The following SGCD variants were observed in gnomAD, a reference collection of about 807,000 sequenced individuals.
SGCD encodes the protein delta-sarcoglycan.
In SGCD, 18 loss-of-function variants were observed where a neutral mutation model predicts 36.6. That is an observed-to-expected ratio of 0.49 (90% confidence interval 0.34 to 0.73). SGCD has a LOEUF of 0.73. SGCD is among the 30% of genes least tolerant of loss of function. SGCD has a pLI of 0.01. For synonymous variants in SGCD, 133 were observed against 130.6 expected, an observed-to-expected ratio of 1.02 and a Z score of -0.12; for missense variants, 387 against 346.7, an observed-to-expected ratio of 1.12 and a Z score of -0.92.
chr5:156,076,225 G>A (rs540110155), intron 1 of SGCD, among the ~76,000 whole-genome samples: 3 of 151,992 alleles, frequency 2.0e-5, no homozygotes, highest in South Asian at 4.2e-4. Flanking sequence ...TTTGTATGTT[G>A]TCTTCCTTCT....
Position 156,650,614 on chromosome 5 carries a change from AC to A in SGCD, c.575+3079del, listed in dbSNP as rs1190104571. ...TATTTGGTTTTCTGTTCCTGTGTTA[AC>A]TTAAGATAATGGCCTTCAGTTATAT... is the stretch of plus-strand genomic sequence containing the variant. On this transcript the variant is annotated intron_variant, in intron 7 of 8. Transcript: ENST00000337851. 3.2e-3 allele frequency among the ~76,000 whole-genome samples: 438 copies of A among 137,148 alleles called. 5 individuals are homozygous for A. Among genetic ancestry groups the A allele is most frequent in the African/African-American group, 0.014 (419 of 29,828 alleles). The allele number at this position is 137,148 out of a possible 152,430, so 90.0% of individuals were successfully genotyped here.
At chr5:155,910,114 G>T (rs760277345) in intron 1 of SGCD, among the ~76,000 whole-genome samples, 1 of 152,020 alleles carries the variant, frequency 6.6e-6, no homozygotes, top group Non-Finnish European at 1.5e-5. Context: ...GTACAGAGGT[G>T]CATAGTTGGG....
At chr5:156,597,219 A>C (rs1760962172) in intron 6 of SGCD, among the ~76,000 whole-genome samples, 1 of 152,208 alleles carries the variant, frequency 6.6e-6, no homozygotes, top group African/African-American at 2.4e-5. Flanking sequence ...AAAATTTCAT[A>C]CATAGTCCCA....
At chr5:156,166,567 G>T (rs924586624) in intron 3 of SGCD, among the ~76,000 whole-genome samples, 10 of 152,116 alleles carry the variant, frequency 6.6e-5, no homozygotes, top group African/African-American at 4.8e-5. Flanking sequence ...TGATCCGCCC[G>T]CCTCGGCCTC....
intron 1 of SGCD, among the ~76,000 whole-genome samples, chr5:156,090,935 C>T (rs188544666): frequency 2.3e-3 from 354 of 152,240 alleles, no homozygotes; most frequent in Non-Finnish European, 3.8e-3. Context: ...GGCAGTCAGA[C>T]CTTATGGTTA....
intron 4 of SGCD, among the ~76,000 whole-genome samples, chr5:156,580,836 G>A (rs2113335047): frequency 6.6e-6 from 1 of 152,184 alleles, no homozygotes; most frequent in South Asian, 2.1e-4. Flanking sequence ...TCCTTGTGAT[G>A]GGTTCGAACA....
chr5:156,193,151 C>T (rs1763933957), intron 3 of SGCD, among the ~76,000 whole-genome samples: 1 of 152,100 alleles, frequency 6.6e-6, no homozygotes, highest in Non-Finnish European at 1.5e-5. Flanking sequence ...TGGTTTTCTT[C>T]ATGTAGTCAA....
At chr5:156,105,560 A>C (rs748009852) in intron 1 of SGCD, among the ~76,000 whole-genome samples, 1 of 152,234 alleles carries the variant, frequency 6.6e-6, no homozygotes, top group Non-Finnish European at 1.5e-5. Flanking sequence ...GGTTTTCCTC[A>C]CCAAATGAGC....
intron 1 of SGCD, among the ~76,000 whole-genome samples, chr5:155,986,771 G>A (rs866263851): frequency 6.6e-6 from 1 of 152,128 alleles, no homozygotes; most frequent in Non-Finnish European, 1.5e-5. Flanking sequence ...GTTATGCGGT[G>A]ATCATTGATG....
intron 7 of SGCD, among the ~76,000 whole-genome samples, chr5:156,757,170 G>C (rs1018161069): frequency 1.4e-5 from 2 of 139,426 alleles, no homozygotes; most frequent in Non-Finnish European, 3.0e-5. Flanking sequence ...ATCTGATTCT[G>C]CCTCCATGGA....
Position 156,229,277 on chromosome 5 carries a change from C to CATATATATATATATATAT in SGCD, c.-43-100251_-43-100234dup, listed in dbSNP as rs570200528. 2.1e-3 allele frequency among the ~76,000 whole-genome samples: 117 copies of CATATATATATATATATAT among 56,234 alleles called. 1 individual carries two copies. The highest frequency in any genetic ancestry group is 3.0e-3 in the Non-Finnish European group (91 of 30,238). The allele number at this position is 56,234 out of a possible 152,430, so 36.9% of individuals were successfully genotyped here. On this transcript the variant is annotated intron_variant, in intron 3 of 9. Coordinates refer to the SGCD transcript ENST00000517913. ...ACATACATACATATATATATACATACATATATATATATATATATATATAAA... is the reference window on the plus strand; with the variant it reads ...ACATACATACATATATATATACATACATATATATATATATATATATATATATATATATATATATATAAA...
chr5:156,245,032 TCA>T (rs963989832), intron 3 of SGCD, among the ~76,000 whole-genome samples: 43 of 152,354 alleles, frequency 2.8e-4, no homozygotes, highest in African/African-American at 9.1e-4. Context: ...GCAGATACTC[TCA>T]CACATGTGTT....
chr5:156,159,185 A>G (rs542205594), intron 3 of SGCD, among the ~76,000 whole-genome samples: 2 of 151,778 alleles, frequency 1.3e-5, no homozygotes, highest in African/African-American at 4.9e-5. Context: ...ATAACCAAAG[A>G]GCCTTAAAAA....
intron 1 of SGCD, among the ~76,000 whole-genome samples, chr5:155,962,346 TA>T (rs1757809190): frequency 6.6e-6 from 1 of 152,070 alleles, no homozygotes; most frequent in Non-Finnish European, 1.5e-5. Flanking sequence ...CCCCTATCTT[TA>T]TTACTAGTCA....
intron 3 of SGCD, among the ~76,000 whole-genome samples, chr5:156,346,807 A>AT (rs1461994298): frequency 3.4e-5 from 5 of 147,052 alleles, no homozygotes; most frequent in South Asian, 4.4e-4. Context: ...TTATTTTTTT[A>AT]TTTTTTGTGA....
intron 3 of SGCD, among the ~76,000 whole-genome samples, chr5:156,205,679 T>C (rs1185692695): frequency 6.6e-6 from 1 of 152,090 alleles, no homozygotes; most frequent in Non-Finnish European, 1.5e-5. Context: ...TCCATAAAGG[T>C]ACAGGATAGT....
At chr5:156,200,998 G>T (rs1179679511) in intron 3 of SGCD, among the ~76,000 whole-genome samples, 1 of 152,032 alleles carries the variant, frequency 6.6e-6, no homozygotes, top group Non-Finnish European at 1.5e-5. Flanking sequence ...ATCACAAAAG[G>T]ACAAAAAAGT....
At chr5:155,776,573 C>A in the SGCD span, among the ~76,000 whole-genome samples, 1 of 152,014 alleles carries the variant, frequency 6.6e-6, no homozygotes, top group South Asian at 2.1e-4. Flanking sequence ...TTCCTTTAAC[C>A]CTTACTAGCT....
chr5:156,287,356 A>T (rs1766635625), intron 3 of SGCD, among the ~76,000 whole-genome samples: 1 of 152,248 alleles, frequency 6.6e-6, no homozygotes, highest in South Asian at 2.1e-4. Context: ...GAGAAATAGT[A>T]AACTAGAGGG....
Sources: gnomAD v4.1 joint callset for allele counts (sites outside exome capture counted in the v4.1 genomes callset) on GRCh38, gnomAD v4.1.1 for gene constraint, MANE v1.5 for transcripts, NCBI Gene and HGNC (gene_info 2026-07-23, HGNC 2026-07-21) for gene names.